The following SLC22A14 variants were observed in gnomAD, a reference collection of about 807,000 sequenced individuals.
SLC22A14 encodes organic cation transporter-like 4.
A neutral mutation model predicts 53.9 loss-of-function variants in SLC22A14; 50 were observed. That is an observed-to-expected ratio of 0.93 (90% CI 0.74 to 1.17). The LOEUF (loss-of-function observed/expected upper bound fraction) is 1.17, where lower values mean the gene tolerates loss of function less well. Ranked by LOEUF, SLC22A14 falls within the 50% of genes most tolerant of loss-of-function variation. The probability of loss-of-function intolerance (pLI) is 0.00; values close to 1 mark genes in which losing one functional copy is unlikely to be tolerated. For missense variants in SLC22A14, 671 were observed against 734.7 expected (o/e 0.91, Z 1.00); for synonymous variants, 312 against 303.0 (o/e 1.03, Z -0.31).
At chr3:38,291,486 T>C (rs1703912795) in intron 1 of SLC22A14, among the ~76,000 whole-genome samples, 1 of 152,228 alleles carries the variant, frequency 6.6e-6, no homozygotes, top group South Asian at 2.1e-4. Flanking sequence ...GCAGTGAGTA[T>C]GCCATTTATA....
At chr3:38,298,618 C>T (rs1202142875) in intron 1 of SLC22A14, among the ~76,000 whole-genome samples, 2 of 152,164 alleles carry the variant, frequency 1.3e-5, no homozygotes, top group East Asian at 3.9e-4. Context: ...GGCAGTGGCG[C>T]CATCTCAGCT....
chr3:38,312,907 A>C, intron 5 of SLC22A14, 92 bp from the exon 6 acceptor site: 2 of 1,503,840 alleles, frequency 1.3e-6, no homozygotes, highest in Admixed American at 2.0e-5. Context: ...TCATGCTGGC[A>C]CAGGATGGCC....
rs985501785 is a variant in SLC22A14 at position 38,286,929 on chromosome 3, G to T, written c.-1+4590G>T. 2.0e-5 allele frequency among the ~76,000 whole-genome samples: 3 copies of T among 151,338 alleles called. No individual in the cohort carries two copies. In the East Asian group the frequency reaches 5.8e-4, roughly 29 times the overall value. Reference sequence around the variant, plus strand: ...GTATTTTTTTTTTACTGGAGACCGGGTTTCACCACATTGGCCAGGCTGGTC... The same window carrying T: ...GTATTTTTTTTTTACTGGAGACCGGTTTTCACCACATTGGCCAGGCTGGTC... On this transcript the variant is annotated intron_variant, in intron 1 of 10. Transcript: ENST00000448498.
chr3:38,308,082 G>T, intron 4 of SLC22A14: 1 of 189,932 alleles, frequency 5.3e-6, no homozygotes, highest in African/African-American at 2.6e-5. Flanking sequence ...AGCCCCATGG[G>T]TTACATTTAC....
At chr3:38,292,019 T>A (rs1422680303) in intron 1 of SLC22A14, among the ~76,000 whole-genome samples, 1 of 152,262 alleles carries the variant, frequency 6.6e-6, no homozygotes, top group Admixed American at 6.5e-5. Context: ...ATTTTAGCCT[T>A]AAGTATTTAA....
At chr3:38,315,073 G>T (rs1288328568) in intron 8 of SLC22A14, among the ~76,000 whole-genome samples, 3 of 152,244 alleles carry the variant, frequency 2.0e-5, no homozygotes, top group Non-Finnish European at 2.9e-5. Flanking sequence ...TGTCTAGCTG[G>T]CCGGAGAACA....
intron 7 of SLC22A14, 91 bp from the exon 8 acceptor site, chr3:38,313,636 C>A: frequency 1.9e-6 from 2 of 1,026,472 alleles, no homozygotes; most frequent in East Asian, 2.4e-5. Flanking sequence ...CCGTTCCTAC[C>A]CTGACCCTTG....
At position 38,318,383 on chromosome 3, in the gene SLC22A14, A is replaced by T. The variant is rs1227790447; in HGVS notation, c.*134A>T. On this transcript the variant is annotated 3_prime_UTR_variant, in exon 11 of 11. Coordinates refer to ENST00000448498, the MANE Select transcript of SLC22A14 (RefSeq NM_001320033.2). ...GGCTCCCTGAGGGCCAGGCCCCCAG[A>T]CCATCTTGGGTTGGAATTGAGTGGC... The T allele has an allele frequency of 1.2e-6, 1 of 833,516 alleles. No individual in the cohort carries two copies. The highest frequency in any genetic ancestry group is 2.0e-6 in the Non-Finnish European group (1 of 492,374). 51.6% of individuals were successfully genotyped at this position (833,516 alleles called of 1,614,324 possible).
chr3:38,310,655 G>A lies in SLC22A14; in HGVS notation c.944+1533G>A, dbSNP rs374674132. On this transcript the variant is annotated intron_variant, in intron 5 of 10. Coordinates refer to ENST00000448498, the MANE Select transcript of SLC22A14 (RefSeq NM_001320033.2). The stretch of plus-strand genomic sequence containing the variant: ...AATACCATCACTCTCAGGTCCATTC[G>A]TGGGTCTTCTGAGCATTGGAATTTC... Among the ~76,000 whole-genome samples the A allele has an allele frequency of 3.9e-5, 6 of 152,098 alleles. No individual in the cohort carries two copies. In the East Asian group the frequency reaches 9.6e-4, roughly 24 times the overall value.
chr3:38,280,257 G>A (rs950694190), upstream of SLC22A14, among the ~76,000 whole-genome samples: 1 of 152,024 alleles, frequency 6.6e-6, no homozygotes, highest in Non-Finnish European at 1.5e-5. Context: ...ACCAGCCCAG[G>A]GAGACAGATT....
chr3:38,289,505 T>C lies in SLC22A14; in HGVS notation c.-1+7166T>C, dbSNP rs148449341. Among the ~76,000 whole-genome samples, 315 of 152,324 alleles carry C rather than the reference T, an allele frequency of 2.1e-3. 1 individual carries two copies. Among genetic ancestry groups the C allele is most frequent in the African/African-American group, 7.3e-3 (302 of 41,566 alleles). On this transcript the variant is annotated intron_variant, in intron 1 of 10. Transcript: ENST00000448498. The stretch of plus-strand genomic sequence containing the variant: ...GCAGCAAGCCTCTTGTTCTCTGACC[T>C]GGGGTTCTTGGCCTCAAGGATTCTA...
intron 1 of SLC22A14, among the ~76,000 whole-genome samples, chr3:38,294,568 A>G (rs1455736866): frequency 6.6e-6 from 1 of 151,886 alleles, no homozygotes; most frequent in Non-Finnish European, 1.5e-5. Context: ...AAAAAAGAAC[A>G]TAGGGATGCC....
At position 38,307,827 on chromosome 3, in the gene SLC22A14, G is replaced by A; in HGVS notation, c.775+107G>A. ...AGGGGGCGTGGCGGCATAGGCAGAT[G>A]GCAAGGGGGCGTGGTGTAGCTGTAA... On this transcript the variant is annotated intron_variant, in intron 4 of 10. Transcript: ENST00000448498. The surrounding 1 kb of genome is among the most constrained non-coding windows in gnomAD (Gnocchi z 4.4). 8.1e-7 allele frequency: 1 copy of A among 1,239,476 alleles called. No individual in the cohort carries two copies. Among genetic ancestry groups the A allele is most frequent in the Non-Finnish European group, 1.2e-6 (1 of 869,266 alleles). 76.8% of individuals were successfully genotyped at this position (1,239,476 alleles called of 1,614,324 possible).
rs111468057 is a variant in SLC22A14, at chr3:38,313,325, G to A, written c.1066-63G>A. ...GGGACAGGCAGGCCTTGTGGGTGCT[G>A]TGGGGCTGGGGAGCAAGCTGGGGTC... On this transcript the variant is annotated intron_variant, in intron 6 of 10. Transcript: ENST00000448498. The A allele has an allele frequency of 3.4e-3, 4,854 of 1,429,730 alleles. 156 individuals carry two copies. In the African/African-American group the frequency reaches 0.058, roughly 17 times the overall value. 88.6% of individuals were successfully genotyped at this position (1,429,730 alleles called of 1,614,324 possible).
intron 1 of SLC22A14, among the ~76,000 whole-genome samples, chr3:38,284,151 G>A (rs937068103): frequency 8.5e-5 from 13 of 152,122 alleles, no homozygotes; most frequent in African/African-American, 2.9e-4. Context: ...CATCCCCCTC[G>A]TGTGACTGGT....
chr3:38,301,070 C>T (rs1156586082), intron 1 of SLC22A14, among the ~76,000 whole-genome samples: 1 of 152,156 alleles, frequency 6.6e-6, no homozygotes, highest in Non-Finnish European at 1.5e-5. Flanking sequence ...TCTCCCCCCT[C>T]AGCCTCCCCA....
At chr3:38,280,786 C>T (rs555170618), upstream of SLC22A14, among the ~76,000 whole-genome samples, 8 of 152,204 alleles carry the variant, frequency 5.3e-5, no homozygotes, top group Non-Finnish European at 8.8e-5. Context: ...TGCGCCACTG[C>T]GCCAGGCTAA....
intron 1 of SLC22A14, among the ~76,000 whole-genome samples, chr3:38,287,151 A>G (rs537028381): frequency 1.5e-3 from 224 of 152,044 alleles, no homozygotes; most frequent in Non-Finnish European, 2.5e-3. Flanking sequence ...AGTTGTGTCC[A>G]GTTTTTTTCC....
At chr3:38,298,912 C>T (rs1187614545) in intron 1 of SLC22A14, among the ~76,000 whole-genome samples, 4 of 152,162 alleles carry the variant, frequency 2.6e-5, no homozygotes, top group African/African-American at 9.7e-5. Flanking sequence ...TTATTATCTA[C>T]AATATAGTTA....
Sources: allele counts gnomAD v4.1 joint callset (sites outside exome capture counted in the v4.1 genomes callset), GRCh38; gene constraint gnomAD v4.1.1; non-coding constraint Gnocchi (gnomAD v3.1); transcripts MANE v1.5; gene names NCBI Gene and HGNC (gene_info 2026-07-23, HGNC 2026-07-21).